The following CSMD1 variants were observed in gnomAD, a reference collection of about 807,000 sequenced individuals.
CSMD1 encodes CUB and Sushi multiple domains 1.
Under a neutral mutation model 417.5 loss-of-function variants are expected in CSMD1, and 213 were observed. That is an observed-to-expected ratio of 0.51 (90% CI 0.46 to 0.57). The LOEUF (loss-of-function observed/expected upper bound fraction) is 0.57. Ranked by LOEUF, CSMD1 falls within the 20% of genes least tolerant of loss-of-function variation. The probability of loss-of-function intolerance (pLI) is 0.00; values close to 1 mark genes in which losing one functional copy is unlikely to be tolerated. For missense variants in CSMD1, 6,923 were observed against 4,529.7 expected, an observed-to-expected ratio of 1.53 and a Z score of -15.17; for synonymous variants, 2,862 against 1,736.8, an observed-to-expected ratio of 1.65 and a Z score of -16.11.
intron 3 of CSMD1, among the ~76,000 whole-genome samples, chr8:4,133,728 T>C (rs573255859): frequency 6.6e-6 from 1 of 151,642 alleles, no homozygotes; most frequent in South Asian, 2.1e-4. Context: ...AGACTGTTTA[T>C]GGTTATGGTT....
chr8:2,955,513 G>T, intron 64 of CSMD1, 76 bp downstream of exon 64: 1 of 1,448,754 alleles, frequency 6.9e-7, no homozygotes, highest in Admixed American at 1.8e-5. Flanking sequence ...CTCACACGTG[G>T]ACACTAGCCT....
intron 1 of CSMD1, among the ~76,000 whole-genome samples, chr8:4,764,383 A>T (rs1191874251): frequency 6.6e-6 from 1 of 152,220 alleles, no homozygotes; most frequent in African/African-American, 2.4e-5. Context: ...TGAGATTAAT[A>T]ATTTTCTGGC....
chr8:4,672,421 A>G (rs1805387776), intron 1 of CSMD1, among the ~76,000 whole-genome samples: 3 of 152,292 alleles, frequency 2.0e-5, no homozygotes, highest in South Asian at 2.1e-4. Flanking sequence ...GGCAGAAAAT[A>G]TTTGTAGTGT....
At chr8:4,445,085 G>C (rs1218297336) in intron 2 of CSMD1, among the ~76,000 whole-genome samples, 1 of 152,124 alleles carries the variant, frequency 6.6e-6, no homozygotes, top group Non-Finnish European at 1.5e-5. Context: ...TGTTTAACAT[G>C]TTACTTCTCT....
chr8:4,269,124 T>C (rs1295205602), intron 3 of CSMD1, among the ~76,000 whole-genome samples: 2 of 152,198 alleles, frequency 1.3e-5, no homozygotes, highest in Non-Finnish European at 2.9e-5. Context: ...TGGTGTGATC[T>C]TGGCTCACTG....
chr8:3,622,442 T>C (rs2449226), intron 7 of CSMD1, among the ~76,000 whole-genome samples: 1 of 152,032 alleles, frequency 6.6e-6, no homozygotes, highest in Non-Finnish European at 1.5e-5. Context: ...CTTGCATGTC[T>C]CCTTTTCTAT....
intron 49 of CSMD1, among the ~76,000 whole-genome samples, chr8:3,056,850 A>G (rs1051856264): frequency 6.6e-6 from 1 of 151,956 alleles, no homozygotes; most frequent in African/African-American, 2.4e-5. Flanking sequence ...TGTATATAGA[A>G]GTATAAATAT....
At chr8:3,929,673 T>A (rs1013201684) in intron 5 of CSMD1, among the ~76,000 whole-genome samples, 2 of 150,276 alleles carry the variant, frequency 1.3e-5, no homozygotes, top group African/African-American at 4.9e-5. Context: ...TACTATTTTT[T>A]TTTTTTGAGA....
chr8:3,620,521 T>A (rs958413777), intron 7 of CSMD1, among the ~76,000 whole-genome samples: 4 of 152,170 alleles, frequency 2.6e-5, no homozygotes, highest in African/African-American at 9.7e-5. Flanking sequence ...AGCAATAGCA[T>A]AAAGTAAGGG....
At chr8:3,302,850 C>T (rs1804523236) in intron 25 of CSMD1, among the ~76,000 whole-genome samples, 1 of 152,150 alleles carries the variant, frequency 6.6e-6, no homozygotes, top group African/African-American at 2.4e-5. Context: ...TTTAACTAAT[C>T]TGTGGCAACT....
chr8:4,537,306 T>C (rs1007550709), intron 2 of CSMD1, among the ~76,000 whole-genome samples: 6 of 152,210 alleles, frequency 3.9e-5, no homozygotes, highest in African/African-American at 1.4e-4. Context: ...TTTTTATAAA[T>C]GCTGTTAAAG....
chr8:4,911,022 C>T (rs776547969), intron 1 of CSMD1, among the ~76,000 whole-genome samples: 2 of 152,204 alleles, frequency 1.3e-5, no homozygotes, highest in African/African-American at 4.8e-5. Flanking sequence ...TCTCTCTTTG[C>T]CTGCTGCCAT....
chr8:3,547,711 T>G (rs555899524), intron 10 of CSMD1, among the ~76,000 whole-genome samples: 3 of 152,202 alleles, frequency 2.0e-5, no homozygotes, highest in Non-Finnish European at 2.9e-5. Flanking sequence ...CCTACCTATA[T>G]GAAAAACAAT....
chr8:3,854,890 T>C (rs1048752956), intron 5 of CSMD1, among the ~76,000 whole-genome samples: 21 of 152,182 alleles, frequency 1.4e-4, no homozygotes, highest in African/African-American at 5.1e-4. Flanking sequence ...TATATGGACA[T>C]TACAATTCAC....
At chr8:4,013,946 G>C (rs533210338) in intron 4 of CSMD1, among the ~76,000 whole-genome samples, 4 of 152,232 alleles carry the variant, frequency 2.6e-5, no homozygotes, top group Admixed American at 6.5e-5. Flanking sequence ...TGATTGATAA[G>C]TGTATGTAAT....
intron 3 of CSMD1, among the ~76,000 whole-genome samples, chr8:4,174,213 T>C (rs1037329732): frequency 1.3e-5 from 2 of 152,158 alleles, no homozygotes; most frequent in Admixed American, 6.5e-5. Flanking sequence ...TCAGCAGCTA[T>C]GTGAGGACAC....
At chr8:3,214,425 C>A in intron 30 of CSMD1, 72 bp downstream of exon 30, 1 of 1,291,976 alleles carries the variant, frequency 7.7e-7, no homozygotes. Context: ...AAATGTGAAA[C>A]CATTTCTTCA....
intron 5 of CSMD1, among the ~76,000 whole-genome samples, chr8:3,925,751 G>A (rs992738297): frequency 3.3e-5 from 5 of 152,136 alleles, no homozygotes; most frequent in South Asian, 2.1e-4. Context: ...CCAGCCATGT[G>A]GAACTGTAAG....
chr8:3,739,329 G>C (rs753074023), intron 6 of CSMD1, among the ~76,000 whole-genome samples: 7 of 152,204 alleles, frequency 4.6e-5, no homozygotes, highest in Admixed American at 2.6e-4. Flanking sequence ...ATCTGTTCTA[G>C]TGTTCTATGG....
Sources: gnomAD v4.1 joint callset for allele counts (sites outside exome capture counted in the v4.1 genomes callset) on GRCh38, gnomAD v4.1.1 for gene constraint, MANE v1.5 for transcripts, NCBI Gene and HGNC (gene_info 2026-07-23, HGNC 2026-07-21) for gene names.